The following SAMD13 variants were observed in gnomAD, a reference collection of about 807,000 sequenced individuals.
SAMD13 encodes the protein sterile alpha motif domain-containing protein 13.
SAMD13 carries 9 observed loss-of-function variants against 12.4 expected under a neutral mutation model. The observed-to-expected ratio is 0.72, with a 90% CI of 0.44 to 1.26. The LOEUF (loss-of-function observed/expected upper bound fraction) is 1.26. Among genes scored for constraint, SAMD13 ranks in the 50% most tolerant of loss-of-function variants. The pLI is 0.00. For missense variants in SAMD13, 84 were observed against 119.6 expected (o/e 0.70, Z 1.39); for synonymous variants, 46 against 45.4 (o/e 1.01, Z -0.05).
chr1:84,342,103 G>C (rs1553202420), intron 3 of SAMD13, among the ~76,000 whole-genome samples: 1 of 152,062 alleles, frequency 6.6e-6, no homozygotes, highest in Non-Finnish European at 1.5e-5. Flanking sequence ...TAGTTTTATG[G>C]GCCTGAGAGA....
chr1:84,307,881 C>T (rs149047475), intron 2 of SAMD13, among the ~76,000 whole-genome samples: 87 of 152,278 alleles, frequency 5.7e-4, no homozygotes, highest in African/African-American at 1.7e-3. Flanking sequence ...ATCCCTGCAT[C>T]GTCTCCAAGA....
At chr1:84,316,525 C>T (rs1475381262) in intron 2 of SAMD13, among the ~76,000 whole-genome samples, 1 of 152,096 alleles carries the variant, frequency 6.6e-6, no homozygotes, top group Non-Finnish European at 1.5e-5. Context: ...GATCATTTGA[C>T]CACATATCCA....
chr1:84,345,714 T>A (rs1679520877), intron 3 of SAMD13, among the ~76,000 whole-genome samples: 1 of 152,246 alleles, frequency 6.6e-6, no homozygotes, highest in South Asian at 2.1e-4. Flanking sequence ...GCTACTTCTG[T>A]TCCCACCTAT....
At chr1:84,319,860 C>T (rs977007695) in intron 2 of SAMD13, among the ~76,000 whole-genome samples, 1 of 152,104 alleles carries the variant, frequency 6.6e-6, no homozygotes. Context: ...AGAAATTTTG[C>T]AGGAAGATGT....
At chr1:84,339,158 T>C (rs796665974) in intron 3 of SAMD13, among the ~76,000 whole-genome samples, 9 of 152,206 alleles carry the variant, frequency 5.9e-5, no homozygotes, top group Admixed American at 4.6e-4. Flanking sequence ...GCCATTTCAG[T>C]CTGGTTAAGA....
At chr1:84,303,840 G>A (rs1029103637) in intron 2 of SAMD13, 5 of 152,378 alleles carry the variant, frequency 3.3e-5, no homozygotes, top group African/African-American at 1.2e-4. Flanking sequence ...GTGTTTATAT[G>A]TGTCATGTAA....
intron 3 of SAMD13, among the ~76,000 whole-genome samples, chr1:84,341,168 T>C (rs541583720): frequency 9.9e-5 from 15 of 152,206 alleles, no homozygotes; most frequent in Non-Finnish European, 1.2e-4. Flanking sequence ...AGGTTGGTCA[T>C]ATCTAACCAG....
chr1:84,304,983 T>G (rs1223901318), intron 2 of SAMD13, among the ~76,000 whole-genome samples: 1 of 152,164 alleles, frequency 6.6e-6, no homozygotes, highest in Non-Finnish European at 1.5e-5. Context: ...CTTTGATCAT[T>G]TGCGTGCAGG....
At chr1:84,309,265 C>T (rs767842410) in intron 2 of SAMD13, among the ~76,000 whole-genome samples, 11 of 152,046 alleles carry the variant, frequency 7.2e-5, no homozygotes, top group Non-Finnish European at 1.3e-4. Context: ...TCACTCAGTC[C>T]CATAAACTGG....
intron 3 of SAMD13, among the ~76,000 whole-genome samples, chr1:84,344,396 C>A (rs1348443713): frequency 6.6e-6 from 1 of 152,166 alleles, no homozygotes; most frequent in Non-Finnish European, 1.5e-5. Context: ...AAGGCAAGCA[C>A]AGCCATCAGC....
intron 3 of SAMD13, among the ~76,000 whole-genome samples, chr1:84,338,278 A>G (rs1282734981): frequency 1.4e-4 from 21 of 152,080 alleles, no homozygotes. Context: ...AGACTGGGCA[A>G]TGTACCAAAG....
chr1:84,327,617 AAAG>A (rs1203552262), intron 3 of SAMD13, among the ~76,000 whole-genome samples: 1 of 152,186 alleles, frequency 6.6e-6, no homozygotes, highest in Non-Finnish European at 1.5e-5. Flanking sequence ...TTCAAAAAGA[AAAG>A]AACTATGAAA....
intron 2 of SAMD13, among the ~76,000 whole-genome samples, chr1:84,310,410 G>A (rs955346064): frequency 1.3e-5 from 2 of 152,012 alleles, no homozygotes; most frequent in Non-Finnish European, 2.9e-5. Context: ...AATTTGTGTT[G>A]GGCCACAGTC....
At chr1:84,332,482 A>G (rs1241810567) in intron 3 of SAMD13, among the ~76,000 whole-genome samples, 1 of 152,222 alleles carries the variant, frequency 6.6e-6, no homozygotes, top group Non-Finnish European at 1.5e-5. Context: ...TCTAATGATC[A>G]ACGATGTTGA....
intron 3 of SAMD13, among the ~76,000 whole-genome samples, chr1:84,338,762 T>C (rs1416346065): frequency 2.6e-5 from 4 of 151,970 alleles, no homozygotes; most frequent in Non-Finnish European, 4.4e-5. Flanking sequence ...TTAAAACCAT[T>C]AGATCTCCTG....
chr1:84,300,674 T>C (rs114919307), upstream of SAMD13, among the ~76,000 whole-genome samples: 595 of 152,324 alleles, frequency 3.9e-3, 3 homozygotes, highest in African/African-American at 0.014. Context: ...CCATGTATGT[T>C]TTCTGTGTAT....
At position 84,308,861 on chromosome 1, in the gene SAMD13, A is replaced by T. The variant is rs1469881492; in HGVS notation, c.53+5574A>T. The stretch of plus-strand genomic sequence containing the variant: ...TCCTTTAGGAAAGAAGCAACTCCTA[A>T]CCCAAATTTGGAGACCAGGGGGAAT... On this transcript the variant is annotated intron_variant, in intron 2 of 3. Transcript: ENST00000394834. Among the ~76,000 whole-genome samples, 6 of 152,166 alleles carry T rather than the reference A, an allele frequency of 3.9e-5. No homozygotes were observed. The East Asian group carries it at 7.7e-4, about 20-fold the overall frequency.
intron 2 of SAMD13, among the ~76,000 whole-genome samples, chr1:84,318,150 C>T (rs1678873459): frequency 6.6e-6 from 1 of 151,864 alleles, no homozygotes; most frequent in African/African-American, 2.4e-5. Context: ...TTTTATCTTA[C>T]TGTTTTTCTA....
intron 3 of SAMD13, among the ~76,000 whole-genome samples, chr1:84,338,287 A>G (rs1314667736): frequency 6.6e-6 from 1 of 152,158 alleles, no homozygotes; most frequent in Non-Finnish European, 1.5e-5. Flanking sequence ...AATGTACCAA[A>G]GAAAAGAGGT....
Sources: gnomAD v4.1 joint callset for allele counts (sites outside exome capture counted in the v4.1 genomes callset) on GRCh38, gnomAD v4.1.1 for gene constraint, MANE v1.5 for transcripts, NCBI Gene and HGNC (gene_info 2026-07-23, HGNC 2026-07-21) for gene names.